The following CHST7 variants were observed in gnomAD, a reference collection of about 807,000 sequenced individuals.
The protein encoded by CHST7 is N-acetylglucosamine 6-O-sulfotransferase 4.
Under a neutral mutation model 9.0 loss-of-function variants are expected in CHST7, and 5 were observed. That is an observed-to-expected ratio of 0.56 (90% CI 0.29 to 1.17). The LOEUF (loss-of-function observed/expected upper bound fraction) is 1.17, where lower values mean the gene tolerates loss of function less well. Ranked by LOEUF, CHST7 falls within the 50% of genes most tolerant of loss-of-function variation. The probability of loss-of-function intolerance (pLI) is 0.08; values close to 1 mark genes in which losing one functional copy is unlikely to be tolerated. For synonymous variants in CHST7, 244 were observed against 237.1 expected, an observed-to-expected ratio of 1.03 and a Z score of -0.27; for missense variants, 377 against 485.1, an observed-to-expected ratio of 0.78 and a Z score of 2.09.
chrX:46,583,922 C>T (rs893920517), intron 1 of CHST7, among the ~76,000 whole-genome samples: 4 of 112,569 alleles, frequency 3.6e-5, no homozygotes, highest in African/African-American at 1.3e-4. Flanking sequence ...CCATTCTATT[C>T]TCTACCTCCA....
rs1942609808 is a variant in CHST7, at chrX:46,598,463, A to C, written c.*735A>C. 1.8e-5 allele frequency: 2 copies of C among 112,718 alleles called. No individual in the cohort carries two copies. The highest frequency in any genetic ancestry group is 6.4e-5 in the African/African-American group (2 of 31,055). The allele number at this position is 112,718 out of a possible 1,213,427, so 9.3% of individuals were successfully genotyped here. A position where few individuals can be genotyped will look rare whatever the true frequency, so the allele number is the denominator to read the frequency against. ...ATGGTTTGGGTAAAAGCTAGCCTAC[A>C]TACAAAGGAATATGAAGACTGTGGA... On this transcript the variant is annotated 3_prime_UTR_variant, in exon 2 of 2. Transcript: ENST00000276055.
Position 46,574,951 on chromosome X carries a change from C to T in CHST7, c.1020C>T (p.Phe340=). 8.6e-7 allele frequency: 1 copy of T among 1,159,058 alleles called. No individual in the cohort carries two copies. Among genetic ancestry groups the T allele is most frequent in the South Asian group, 1.9e-5 (1 of 51,858 alleles). Residue 340 remains phenylalanine, a synonymous_variant, in exon 1 of 2, where the codon TTC becomes TTT. Coordinates refer to ENST00000276055, the MANE Select transcript of CHST7 (RefSeq NM_019886.4). ...ALPAAPRADF[F]LTGALEVICE... is the part of the protein sequence containing the mutation. ...CCGCCGCGCCGCGCGCCGATTTCTT[C>T]CTGACCGGTGCGCTCGAGGTGATCT...
At chrX:46,583,594 A>T (rs1358816375) in intron 1 of CHST7, among the ~76,000 whole-genome samples, 1 of 112,225 alleles carries the variant, frequency 8.9e-6, no homozygotes, top group Non-Finnish European at 1.9e-5. Flanking sequence ...GAATATTTTT[A>T]AAAATTTGTT....
chrX:46,578,332 A>G (rs1180115997), intron 1 of CHST7, among the ~76,000 whole-genome samples: 1 of 82,795 alleles, frequency 1.2e-5, no homozygotes, highest in African/African-American at 5.2e-5. Context: ...GCTGGAGTAC[A>G]GTGGTGTAAT....
At chrX:46,595,208 A>G (rs996108195) in intron 1 of CHST7, among the ~76,000 whole-genome samples, 1 of 112,829 alleles carries the variant, frequency 8.9e-6, no homozygotes, top group Non-Finnish European at 1.9e-5. Context: ...TCTGTTTCAG[A>G]TAATTTCAAC....
chrX:46,585,295 C>CTTTTTT, intron 1 of CHST7, among the ~76,000 whole-genome samples: 1 of 23,312 alleles, frequency 4.3e-5, no homozygotes, highest in Non-Finnish European at 6.4e-5. Context: ...CTTTTCTTTT[C>CTTTTTT]TTTTTTTTTT....
At chrX:46,592,498 G>C (rs1408270431) in intron 1 of CHST7, among the ~76,000 whole-genome samples, 3 of 112,007 alleles carry the variant, frequency 2.7e-5, no homozygotes, top group African/African-American at 9.7e-5. Context: ...GAGTAGCTGG[G>C]ACTACAAGTG....
chrX:46,594,152 C>T (rs999591199), intron 1 of CHST7, among the ~76,000 whole-genome samples: 4 of 112,074 alleles, frequency 3.6e-5, no homozygotes, highest in Admixed American at 2.9e-4. Flanking sequence ...GTTCTGTTGG[C>T]AAAAATTATC....
intron 1 of CHST7, among the ~76,000 whole-genome samples, chrX:46,587,086 C>T (rs144676551): frequency 2.7e-5 from 3 of 111,764 alleles, no homozygotes; most frequent in African/African-American, 6.5e-5. Flanking sequence ...CTCAAGTGAG[C>T]TCAAAAGTTT....
chrX:46,578,754 C>T (rs1336393723), intron 1 of CHST7, among the ~76,000 whole-genome samples: 1 of 109,570 alleles, frequency 9.1e-6, no homozygotes, highest in Non-Finnish European at 1.9e-5. Flanking sequence ...TTTCCCAGAA[C>T]CCCCTTTACC....
chrX:46,598,390 A>G lies in CHST7; in HGVS notation c.*662A>G, dbSNP rs1176596576. ...TAATCATACTATTAAATGACTCTGGAGTCATGTTAATGACAGGATTTGTTT... is the reference window on the plus strand; with the variant it reads ...TAATCATACTATTAAATGACTCTGGGGTCATGTTAATGACAGGATTTGTTT... On this transcript the variant is annotated 3_prime_UTR_variant, in exon 2 of 2. Coordinates refer to ENST00000276055, the MANE Select transcript of CHST7 (RefSeq NM_019886.4). 1.8e-5 allele frequency: 2 copies of G among 112,562 alleles called. No homozygotes were observed. The highest frequency in any genetic ancestry group is 3.7e-5 in the Non-Finnish European group (2 of 53,343). The allele number at this position is 112,562 out of a possible 1,213,427, so 9.3% of individuals were successfully genotyped here.
rs1942493395 is a variant in CHST7 at position 46,575,281 on chromosome X, C to T, written c.1350C>T (p.Cys450=). 3 of 1,109,842 alleles carry T rather than the reference C, an allele frequency of 2.7e-6. No individual in the cohort carries two copies. The highest frequency in any genetic ancestry group is 3.5e-6 in the Non-Finnish European group (3 of 849,711). 91.5% of individuals were successfully genotyped at this position (1,109,842 alleles called of 1,213,427 possible). Residue 450 remains cysteine (C), a synonymous_variant, in exon 1 of 2, where the codon TGC becomes TGT. Transcript: ENST00000276055. ...AGGTGCGCCAGGTGGAGGCCGCCTG[C>T]GCTCCAGCCATGCGTCTGCTCGCCT... ...REQVRQVEAA[C]APAMRLLAYP...
intron 1 of CHST7, among the ~76,000 whole-genome samples, chrX:46,591,979 G>T (rs1328343377): frequency 9.0e-6 from 1 of 111,639 alleles, no homozygotes; most frequent in Non-Finnish European, 1.9e-5. Flanking sequence ...TTGGTTTTCT[G>T]TTCCTGTGTT....
intron 1 of CHST7, among the ~76,000 whole-genome samples, chrX:46,587,322 A>G (rs757051641): frequency 9.0e-6 from 1 of 110,706 alleles, no homozygotes; most frequent in South Asian, 3.9e-4. Flanking sequence ...ATCCAAGTCC[A>G]GGCAAGTTTC....
chrX:46,577,482 TC>T (rs942955443), intron 1 of CHST7, among the ~76,000 whole-genome samples: 1 of 111,776 alleles, frequency 8.9e-6, no homozygotes, highest in African/African-American at 3.3e-5. Flanking sequence ...TGATGGGTTT[TC>T]CAAAAGTTTG....
chrX:46,574,733 G>C lies in CHST7; in HGVS notation c.802G>C (p.Gly268Arg). The C allele has an allele frequency of 8.3e-7, 1 of 1,209,650 alleles. No individual in the cohort carries two copies. The change falls in exon 1 of 2, where the codon GGC becomes CGC. Residue 268 changes from glycine to arginine, a missense_variant. Physicochemically the swap from Gly to Arg is moderately radical, Grantham distance 125 (BLOSUM62 -2). Around this residue, in one of 3 missense-constraint regions of CHST7, gnomAD observed 239 missense variants for 325.7 expected, o/e 0.73. Coordinates refer to ENST00000276055, the MANE Select transcript of CHST7 (RefSeq NM_019886.4). Reference protein sequence around the residue: ...GVLVPLLRDPGLNLKVVQLFR... With the variant: ...GVLVPLLRDPRLNLKVVQLFR... ...GCTGGTGCCCCTGTTGCGTGATCCAGGCCTCAACCTGAAGGTGGTGCAGCT... is the reference window on the plus strand; with the variant it reads ...GCTGGTGCCCCTGTTGCGTGATCCACGCCTCAACCTGAAGGTGGTGCAGCT...
intron 1 of CHST7, among the ~76,000 whole-genome samples, chrX:46,581,246 A>AAAT (rs1556028598): frequency 1.1e-5 from 1 of 91,229 alleles, no homozygotes; most frequent in Non-Finnish European, 2.3e-5. Context: ...AAAAAAAAAA[A>AAAT]AAAAATAATA....
In CHST7 at chrX:46,575,090, C is replaced by G; in HGVS notation, c.1159C>G (p.Arg387Gly). The change falls in exon 1 of 2, where the codon CGC becomes GGC. Residue 387 changes from arginine to glycine, a missense_variant. By Grantham distance (125) the Arg-to-Gly change is moderately radical. This residue lies in a region of CHST7 where 130 missense variants were observed against 134.9 expected (regional missense o/e 0.96). Coordinates refer to ENST00000276055, the MANE Select transcript of CHST7 (RefSeq NM_019886.4). ...DLVRQPRAQL[R>G]RLLRFSGLRA... ...GGTGCGGCAGCCACGCGCCCAGCTG[C>G]GCCGCCTGCTGCGCTTCTCCGGGCT... 1 of 1,121,018 alleles carries G rather than the reference C, an allele frequency of 8.9e-7. No homozygotes were observed. The highest frequency in any genetic ancestry group is 1.2e-6 in the Non-Finnish European group (1 of 859,011). 92.4% of individuals were successfully genotyped at this position (1,121,018 alleles called of 1,213,427 possible).
rs931122047 is a variant in CHST7, at chrX:46,574,013, G to T, written c.82G>T (p.Val28Phe). 1 of 1,160,481 alleles carries T rather than the reference G, an allele frequency of 8.6e-7. No individual in the cohort carries two copies. The highest frequency in any genetic ancestry group is 1.1e-6 in the Non-Finnish European group (1 of 875,211). The stretch of plus-strand genomic sequence containing the variant: ...GCTGTACACGCTGGTGCTGTTGCTC[G>T]TCCCCTCCGTATTGGACGGCGGCCG... ...LVLYTLVLLLVPSVLDGGRDG... is the reference protein window; with the variant it reads ...LVLYTLVLLLFPSVLDGGRDG... The change falls in exon 1 of 2, where the codon GTC becomes TTC. Residue 28 changes from valine to phenylalanine, a missense_variant. Val to Phe is a conservative substitution (Grantham distance 50). Around this residue, in one of 3 missense-constraint regions of CHST7, gnomAD observed 239 missense variants for 325.7 expected, o/e 0.73. Transcript: ENST00000276055.
Sources: allele counts gnomAD v4.1 joint callset (sites outside exome capture counted in the v4.1 genomes callset), GRCh38; gene constraint gnomAD v4.1.1; regional missense constraint gnomAD v4.1.1; transcripts MANE v1.5; gene names NCBI Gene and HGNC (gene_info 2026-07-23, HGNC 2026-07-21).